NOL4: variants seen among roughly 807,000 people sequenced by gnomAD.
The protein encoded by NOL4 is cancer/testis antigen 125.
Under a neutral mutation model 75.9 loss-of-function variants are expected in NOL4, and 17 were observed. The observed-to-expected ratio is 0.22, with a 90% CI of 0.15 to 0.34. NOL4 has a LOEUF of 0.34. Ranked by LOEUF, NOL4 falls within the 10% of genes least tolerant of loss-of-function variation. NOL4 has a pLI of 1.00. For synonymous variants in NOL4, 292 were observed against 289.9 expected (o/e 1.01, Z -0.07); for missense variants, 614 against 793.5 (o/e 0.77, Z 2.72).
chr18:33,869,454 C>G (rs148367558), intron 10 of NOL4, among the ~76,000 whole-genome samples: 1 of 151,978 alleles, frequency 6.6e-6, no homozygotes, highest in African/African-American at 2.4e-5. Flanking sequence ...ATCCTTTTTG[C>G]TCTTAGAGTC....
intron 6 of NOL4, among the ~76,000 whole-genome samples, chr18:33,997,212 T>C (rs1393586359): frequency 1.3e-5 from 2 of 151,864 alleles, no homozygotes; most frequent in Non-Finnish European, 2.9e-5. Context: ...AGAATTTTAA[T>C]AGTTTGAGGT....
intron 9 of NOL4, among the ~76,000 whole-genome samples, chr18:33,896,202 A>G (rs746639715): frequency 3.3e-5 from 5 of 152,160 alleles, no homozygotes; most frequent in Non-Finnish European, 7.4e-5. Context: ...GGAAGAATCA[A>G]TATCATTAAA....
intron 5 of NOL4, among the ~76,000 whole-genome samples, chr18:34,024,561 AAAAC>A (rs1289968013): frequency 1.3e-5 from 2 of 152,024 alleles, no homozygotes; most frequent in African/African-American, 4.8e-5. Context: ...GGCTCAAAAC[AAAAC>A]AAACAACAAC....
intron 6 of NOL4, among the ~76,000 whole-genome samples, chr18:33,980,773 C>T (rs2071886309): frequency 6.6e-6 from 1 of 151,976 alleles, no homozygotes; most frequent in African/African-American, 2.4e-5. Flanking sequence ...TTACCAAGAA[C>T]ATCATGTATT....
At chr18:33,926,763 G>A (rs1054887201) in intron 9 of NOL4, among the ~76,000 whole-genome samples, 1 of 151,972 alleles carries the variant, frequency 6.6e-6, no homozygotes, top group Admixed American at 6.6e-5. Context: ...ACCACGCCCA[G>A]CTAATTTTTG....
At chr18:34,157,133 C>T (rs987761891) in intron 1 of NOL4, 3 of 152,080 alleles carry the variant, frequency 2.0e-5, no homozygotes, top group African/African-American at 4.8e-5. Flanking sequence ...GTGTAGAGTA[C>T]TCTTCTCAGC....
intron 6 of NOL4, among the ~76,000 whole-genome samples, chr18:34,009,337 A>G (rs1400217220): frequency 6.6e-6 from 1 of 151,970 alleles, no homozygotes; most frequent in Non-Finnish European, 1.5e-5. Context: ...AAAGAAAACT[A>G]GTATTTGCTA....
intron 1 of NOL4, among the ~76,000 whole-genome samples, chr18:34,218,146 A>G (rs2037045128): frequency 6.6e-6 from 1 of 151,980 alleles, no homozygotes. Context: ...TAGCAAACAC[A>G]ACAGCTATTA....
At chr18:34,112,223 G>T (rs2145755688) in intron 2 of NOL4, among the ~76,000 whole-genome samples, 1 of 152,016 alleles carries the variant, frequency 6.6e-6, no homozygotes, top group Non-Finnish European at 1.5e-5. Flanking sequence ...ATGAAAATTG[G>T]CCAGGTGTGA....
At chr18:33,907,596 A>AT (rs1260048181) in intron 9 of NOL4, among the ~76,000 whole-genome samples, 6 of 152,176 alleles carry the variant, frequency 3.9e-5, no homozygotes, top group East Asian at 1.9e-4. Context: ...ATGGAGGTAC[A>AT]TTTTTTTATA....
chr18:34,024,385 CTAAG>C (rs1600292193), intron 5 of NOL4, among the ~76,000 whole-genome samples: 1 of 150,912 alleles, frequency 6.6e-6, no homozygotes. Context: ...TACCGTAAAA[CTAAG>C]TATTAGGTCC....
At chr18:33,860,821 T>C (rs1198563829) in intron 10 of NOL4, among the ~76,000 whole-genome samples, 10 of 152,072 alleles carry the variant, frequency 6.6e-5, no homozygotes, top group African/African-American at 9.7e-5. Context: ...AATACCTAAT[T>C]TATTGAGAGT....
intron 1 of NOL4, among the ~76,000 whole-genome samples, chr18:34,184,606 G>A (rs1202196782): frequency 6.6e-6 from 1 of 152,038 alleles, no homozygotes; most frequent in Non-Finnish European, 1.5e-5. Flanking sequence ...AGATCCACAA[G>A]CGACAGAGTG....
intron 4 of NOL4, among the ~76,000 whole-genome samples, chr18:34,100,631 T>G (rs564280014): frequency 6.6e-6 from 1 of 152,332 alleles, no homozygotes; most frequent in East Asian, 1.9e-4. Context: ...TCTTTCTCAG[T>G]ATCCTCTGTT....
At chr18:33,911,325 T>G (rs1400765564) in intron 9 of NOL4, among the ~76,000 whole-genome samples, 1 of 152,110 alleles carries the variant, frequency 6.6e-6, no homozygotes, top group Non-Finnish European at 1.5e-5. Flanking sequence ...TCTTTTTGTT[T>G]GGATAATTTC....
chr18:34,096,106 T>G (rs2078765446), intron 4 of NOL4, among the ~76,000 whole-genome samples: 1 of 152,026 alleles, frequency 6.6e-6, no homozygotes, highest in Non-Finnish European at 1.5e-5. Flanking sequence ...ACCACTAAAA[T>G]GTATGCTGAC....
chr18:34,112,337 C>G (rs538022023), intron 2 of NOL4, among the ~76,000 whole-genome samples: 46 of 151,502 alleles, frequency 3.0e-4, no homozygotes, highest in African/African-American at 1.0e-3. Flanking sequence ...CCACTGCACT[C>G]TAGCCTGGGT....
chr18:33,885,895 C>T (rs1216101778), intron 9 of NOL4, among the ~76,000 whole-genome samples: 6 of 152,080 alleles, frequency 3.9e-5, no homozygotes, highest in African/African-American at 1.4e-4. Context: ...ACACTGTTTA[C>T]AATAGCTAAG....
intron 9 of NOL4, among the ~76,000 whole-genome samples, chr18:33,897,016 G>A (rs2144915121): frequency 6.6e-6 from 1 of 152,106 alleles, no homozygotes; most frequent in Middle Eastern, 3.4e-3. Flanking sequence ...CGAAAAAAAA[G>A]CTCAGTATCA....
Sources: gnomAD v4.1 joint callset for allele counts (sites outside exome capture counted in the v4.1 genomes callset) on GRCh38, gnomAD v4.1.1 for gene constraint, MANE v1.5 for transcripts, NCBI Gene and HGNC (gene_info 2026-07-23, HGNC 2026-07-21) for gene names.